The following SYNE2 variants were observed in gnomAD, a reference collection of about 807,000 sequenced individuals.
The protein encoded by SYNE2 is spectrin repeat containing nuclear envelope protein 2, also known as nesprin-2.
In SYNE2, 431 loss-of-function variants were observed where a neutral mutation model predicts 856.3. The ratio of observed to expected loss-of-function variants is 0.50; its 90% CI spans 0.47 to 0.55. The LOEUF is 0.55. SYNE2 is among the 20% of genes least tolerant of loss of function. SYNE2 has a pLI of 0.00. For synonymous variants in SYNE2, 2,923 were observed against 2,872.3 expected (o/e 1.02, Z -0.56); for missense variants, 8,129 against 8,023.2 (o/e 1.01, Z -0.50).
intron 1 of SYNE2, among the ~76,000 whole-genome samples, chr14:63,762,721 T>C (rs1886536140): frequency 6.6e-6 from 1 of 151,380 alleles, no homozygotes; most frequent in African/African-American, 2.4e-5. Flanking sequence ...AGATGTGAGC[T>C]ACCATGCATG....
chr14:63,891,488 C>T (rs12881942), intron 1 of SYNE2, among the ~76,000 whole-genome samples: 13,669 of 151,948 alleles, frequency 0.09, 681 homozygotes, highest in African/African-American at 0.14. Context: ...CCCCCTTTTC[C>T]TGGTGCAGCA....
chr14:64,163,613 C>T (rs2098346024), intron 89 of SYNE2, 32 bp downstream of exon 89: 2 of 1,612,298 alleles, frequency 1.2e-6, no homozygotes. Flanking sequence ...AAGTTTTAGT[C>T]TTAGACATTT....
At chr14:63,852,448 G>A (rs184366205), upstream of SYNE2, among the ~76,000 whole-genome samples, 1 of 152,198 alleles carries the variant, frequency 6.6e-6, no homozygotes, top group Non-Finnish European at 1.5e-5. Context: ...CTCATCCAAG[G>A]GGAAGGAGGA....
chr14:64,186,709 C>A, intron 97 of SYNE2, 130 bp downstream of exon 97: 1 of 1,202,100 alleles, frequency 8.3e-7, no homozygotes, highest in South Asian at 1.2e-5. Context: ...CTGGCCCGGC[C>A]GCTGCTCCTT....
At chr14:64,034,617 G>T (rs1412447015) in intron 45 of SYNE2, 1 of 499,028 alleles carries the variant, frequency 2.0e-6, no homozygotes, top group South Asian at 3.5e-5. Flanking sequence ...CTGGACCTTT[G>T]GTTGACCTTT....
At chr14:64,152,356 C>T (rs2098251215) in intron 84 of SYNE2, among the ~76,000 whole-genome samples, 2 of 152,118 alleles carry the variant, frequency 1.3e-5, no homozygotes, top group South Asian at 2.1e-4. Flanking sequence ...ATGGTTCAGA[C>T]GTGTTGCCTA....
At position 64,159,346 on chromosome 14, in the gene SYNE2, GT is replaced by G. The variant is rs1229380575; in HGVS notation, c.16000del (p.Trp5334GlyfsTer21). ...LQDEAESSEG[S>X]WEKLQEVIGK... ...GATGAAGCTGAGAGCAGTGAAGGGA[GT>G]TGGGAGAAACTCCAGGAGGTTATCG... On this transcript the variant is annotated frameshift_variant, in exon 87 of 116. Transcript: ENST00000555002. LOFTEE classifies it high-confidence loss of function. 6.2e-7 allele frequency: 1 copy of G among 1,614,010 alleles called. No homozygotes were observed. The highest frequency in any genetic ancestry group is 8.5e-7 in the Non-Finnish European group (1 of 1,179,908).
intron 61 of SYNE2, among the ~76,000 whole-genome samples, chr14:64,097,620 T>C (rs1216718844): frequency 6.6e-6 from 1 of 152,268 alleles, no homozygotes; most frequent in East Asian, 1.9e-4. Flanking sequence ...AGCTGGCCAC[T>C]AGAGCGGTAG....
At chr14:64,083,135 A>G (rs528274366) in intron 57 of SYNE2, among the ~76,000 whole-genome samples, 1 of 151,836 alleles carries the variant, frequency 6.6e-6, no homozygotes, top group African/African-American at 2.4e-5. Flanking sequence ...CTGACCTCAG[A>G]CCTCCCTGAC....
intron 107 of SYNE2, 144 bp downstream of exon 107, chr14:64,215,498 G>A: frequency 3.5e-6 from 3 of 851,704 alleles, no homozygotes; most frequent in East Asian, 2.5e-5. Flanking sequence ...TATTTACACT[G>A]CCGTACTCAC....
chr14:63,938,476 G>T (rs570032069), intron 2 of SYNE2, among the ~76,000 whole-genome samples: 1 of 152,300 alleles, frequency 6.6e-6, no homozygotes, highest in South Asian at 2.1e-4. Context: ...CTATTGGACA[G>T]AGTGACAGTG....
intron 1 of SYNE2, among the ~76,000 whole-genome samples, chr14:63,874,300 CA>C (rs1467001513): frequency 6.6e-6 from 1 of 152,166 alleles, no homozygotes; most frequent in Non-Finnish European, 1.5e-5. Flanking sequence ...TTTCCTGGAG[CA>C]TTGCATCTGA....
intron 82 of SYNE2, among the ~76,000 whole-genome samples, chr14:64,142,594 T>A (rs1210235927): frequency 6.6e-6 from 1 of 152,208 alleles, no homozygotes; most frequent in Non-Finnish European, 1.5e-5. Context: ...GATGTCTCCA[T>A]GATGCTATTA....
intron 45 of SYNE2, among the ~76,000 whole-genome samples, chr14:64,038,163 G>T (rs1427559647): frequency 6.6e-6 from 1 of 152,134 alleles, no homozygotes; most frequent in Non-Finnish European, 1.5e-5. Flanking sequence ...CATCCCAGAC[G>T]GGGCGGCGGG....
At position 64,126,717 on chromosome 14, in the gene SYNE2, C is replaced by T; in HGVS notation, c.13827C>T (p.Asn4609=). Residue 4609 remains asparagine, a synonymous_variant, in exon 73 of 116, where the codon AAC becomes AAT. Transcript: ENST00000555002. ...ACTTGCTCCTTGAATGTTTTGACAA[C>T]CTTCAAGTCTGCCTGGAGCACACTC... ...NTNLLLECFD[N]LQVCLEHTQA... is the part of the protein sequence containing the mutation. 2 of 1,614,198 alleles carry T rather than the reference C, an allele frequency of 1.2e-6. No individual in the cohort carries two copies. Among genetic ancestry groups the T allele is most frequent in the Non-Finnish European group, 1.7e-6 (2 of 1,180,028 alleles).
intron 11 of SYNE2, among the ~76,000 whole-genome samples, chr14:63,971,463 T>C (rs1360507860): frequency 6.6e-6 from 1 of 152,060 alleles, no homozygotes; most frequent in Non-Finnish European, 1.5e-5. Context: ...TTGTAACATG[T>C]AGAAATCCTG....
At chr14:64,201,073 C>T (rs1034788355) in intron 99 of SYNE2, among the ~76,000 whole-genome samples, 24 of 152,214 alleles carry the variant, frequency 1.6e-4, no homozygotes, top group Admixed American at 7.2e-4. Context: ...TCACCGCCAC[C>T]TGCAAGGTGG....
rs1278579012 is a variant in SYNE2 at position 64,037,869 on chromosome 14, G to A, written c.7221+6512G>A. Among the ~76,000 whole-genome samples, 653 of 150,860 alleles carry A rather than the reference G, an allele frequency of 4.3e-3. 1 individual carries two copies. The highest frequency in any genetic ancestry group is 0.015 in the African/African-American group (628 of 41,080). On this transcript the variant is annotated intron_variant, in intron 45 of 115. Coordinates refer to ENST00000555002, the MANE Select transcript of SYNE2 (RefSeq NM_182914.3). ...TGACACCCCCACCTCCCTCCCGGAC[G>A]GGGCGGCTGGCCGGGCGGGGGGCTG...
rs928358662 is a variant in SYNE2 at position 64,087,911 on chromosome 14, G to A, written c.11670+55G>A. On this transcript the variant is annotated intron_variant, in intron 58 of 115. Transcript: ENST00000555002. ...AGGATTAAATTAGAGGCTGGGCAAT[G>A]GTGGCTCATCCCTATAATTCCAGCA... 9 of 1,582,622 alleles carry A rather than the reference G, an allele frequency of 5.7e-6. No homozygotes were observed. The African/African-American group carries it at 1.2e-4, about 21-fold the overall frequency.
Sources: allele counts gnomAD v4.1 joint callset (sites outside exome capture counted in the v4.1 genomes callset), GRCh38; gene constraint gnomAD v4.1.1; transcripts MANE v1.5; gene names NCBI Gene and HGNC (gene_info 2026-07-23, HGNC 2026-07-21).